Variants in ADAM18 observed in about 807,000 individuals in gnomAD.
The protein encoded by ADAM18 is disintegrin and metalloproteinase domain-containing protein 18.
In ADAM18, 117 loss-of-function variants were observed where a neutral mutation model predicts 94.4. The observed-to-expected ratio is 1.24, with a 90% CI of 1.07 to 1.45. The LOEUF (loss-of-function observed/expected upper bound fraction) is 1.45. Among genes scored for constraint, ADAM18 ranks in the 40% most tolerant of loss-of-function variants. ADAM18 has a pLI of 0.00. For synonymous variants in ADAM18, 327 were observed against 291.6 expected, an observed-to-expected ratio of 1.12 and a Z score of -1.24; for missense variants, 936 against 880.0, an observed-to-expected ratio of 1.06 and a Z score of -0.81.
chr8:39,691,110 T>C (rs1821763576), intron 16 of ADAM18, among the ~76,000 whole-genome samples: 1 of 152,210 alleles, frequency 6.6e-6, no homozygotes. Flanking sequence ...CCAGATGATA[T>C]ATATGCATCT....
chr8:39,587,643 C>T (rs1342896023), intron 2 of ADAM18, among the ~76,000 whole-genome samples: 1 of 151,874 alleles, frequency 6.6e-6, no homozygotes, highest in Non-Finnish European at 1.5e-5. Context: ...ATGGAGTTTC[C>T]CCATGTTGGC....
chr8:39,643,756 C>T (rs555122778), intron 10 of ADAM18, among the ~76,000 whole-genome samples: 27 of 151,808 alleles, frequency 1.8e-4, no homozygotes, highest in Middle Eastern at 3.4e-3. Context: ...ACATGAAGTT[C>T]TTTCTGTGTC....
chr8:39,617,531 T>C (rs1819478928), intron 6 of ADAM18, among the ~76,000 whole-genome samples: 1 of 152,106 alleles, frequency 6.6e-6, no homozygotes, highest in Admixed American at 6.5e-5. Flanking sequence ...TAAAAACACA[T>C]GCACACATAT....
intron 18 of ADAM18, among the ~76,000 whole-genome samples, chr8:39,718,380 T>C (rs1822639809): frequency 6.6e-6 from 1 of 151,620 alleles, no homozygotes; most frequent in South Asian, 2.1e-4. Flanking sequence ...TACTCAGCCT[T>C]TAAAATGAAA....
chr8:39,598,546 T>C (rs180733286), intron 2 of ADAM18, among the ~76,000 whole-genome samples: 6 of 152,092 alleles, frequency 3.9e-5, no homozygotes, highest in Admixed American at 2.0e-4. Flanking sequence ...GGCAGGTGGA[T>C]CATCTGAGGC....
At chr8:39,613,300 G>T (rs1819335850) in intron 6 of ADAM18, among the ~76,000 whole-genome samples, 1 of 152,178 alleles carries the variant, frequency 6.6e-6, no homozygotes, top group African/African-American at 2.4e-5. Flanking sequence ...ACCTTGATGG[G>T]CCAAAGAACA....
intron 3 of ADAM18, among the ~76,000 whole-genome samples, chr8:39,608,480 T>A (rs757400271): frequency 6.6e-6 from 1 of 151,994 alleles, no homozygotes; most frequent in Non-Finnish European, 1.5e-5. Flanking sequence ...TCCTTGTTTG[T>A]ACAAAGCATA....
intron 19 of ADAM18, among the ~76,000 whole-genome samples, chr8:39,726,043 A>G (rs1822896346): frequency 6.6e-6 from 1 of 152,020 alleles, no homozygotes. Context: ...AATAACAACT[A>G]TGTTAACCTA....
At chr8:39,680,868 G>T (rs1271536549) in intron 16 of ADAM18, among the ~76,000 whole-genome samples, 1 of 152,134 alleles carries the variant, frequency 6.6e-6, no homozygotes, top group Non-Finnish European at 1.5e-5. Context: ...ATGTCATTTG[G>T]TGCTTATTTG....
intron 7 of ADAM18, among the ~76,000 whole-genome samples, chr8:39,630,560 T>C (rs994070619): frequency 4.6e-5 from 7 of 151,908 alleles, no homozygotes; most frequent in African/African-American, 1.7e-4. Flanking sequence ...TTATACATTC[T>C]ATAGCATCTA....
At chr8:39,691,982 G>A (rs1184991706) in intron 16 of ADAM18, among the ~76,000 whole-genome samples, 1 of 151,554 alleles carries the variant, frequency 6.6e-6, no homozygotes, top group African/African-American at 2.4e-5. Context: ...AGATTTTATG[G>A]TGACACTTTG....
At chr8:39,636,345 A>G (rs949122923) in intron 7 of ADAM18, among the ~76,000 whole-genome samples, 2 of 152,194 alleles carry the variant, frequency 1.3e-5, no homozygotes, top group Admixed American at 6.5e-5. Flanking sequence ...GTTTAAAATT[A>G]CAGAATCCAC....
chr8:39,631,994 A>G (rs1440854176), intron 7 of ADAM18, among the ~76,000 whole-genome samples: 3 of 151,932 alleles, frequency 2.0e-5, no homozygotes, highest in Non-Finnish European at 4.4e-5. Flanking sequence ...TTGACACACA[A>G]TTTATCTTAT....
intron 10 of ADAM18, among the ~76,000 whole-genome samples, chr8:39,644,422 G>A (rs1301550857): frequency 6.6e-6 from 1 of 151,982 alleles, no homozygotes; most frequent in Non-Finnish European, 1.5e-5. Flanking sequence ...CAAATAGCTG[G>A]GACTGCAAGT....
Position 39,585,065 on chromosome 8 carries a change from A to AT in ADAM18, c.56-202dup, listed in dbSNP as rs200163434. ...GGGGCCTGTAGAACTGCAATGTCTA[A>AT]TTTTTTTTTCTTTTTTTGTGTCTTA... On this transcript the variant is annotated intron_variant, in intron 1 of 19. Transcript: ENST00000265707. Among the ~76,000 whole-genome samples the AT allele has an allele frequency of 8.6e-3, 1,301 of 151,260 alleles. 18 individuals are homozygous for AT. The highest frequency in any genetic ancestry group is 0.028 in the African/African-American group (1,153 of 41,190).
At chr8:39,628,472 TATATG>T (rs1819837573) in intron 6 of ADAM18, among the ~76,000 whole-genome samples, 1 of 151,420 alleles carries the variant, frequency 6.6e-6, no homozygotes, top group Non-Finnish European at 1.5e-5. Context: ...CAACAATAGA[TATATG>T]AGATGAGGCA....
At chr8:39,663,668 A>G in intron 12 of ADAM18, 127 bp from the exon 13 acceptor site, 1 of 548,136 alleles carries the variant, frequency 1.8e-6, no homozygotes, top group East Asian at 3.7e-5. Context: ...GCTTCATTGG[A>G]ATTATACAAT....
chr8:39,663,978 A>G (rs1486134342), intron 13 of ADAM18, 88 bp downstream of exon 13: 1 of 837,520 alleles, frequency 1.2e-6, no homozygotes, highest in Non-Finnish European at 1.9e-6. Flanking sequence ...AATAAAAAGA[A>G]TATATAAGGA....
intron 1 of ADAM18, 110 bp downstream of exon 1, chr8:39,584,787 T>C: frequency 7.7e-7 from 1 of 1,295,644 alleles, no homozygotes; most frequent in Non-Finnish European, 1.1e-6. Context: ...CCTTCTGGGA[T>C]CCCATGCTGG....
Sources: gnomAD v4.1 joint callset for allele counts (sites outside exome capture counted in the v4.1 genomes callset) on GRCh38, gnomAD v4.1.1 for gene constraint, MANE v1.5 for transcripts, NCBI Gene and HGNC (gene_info 2026-07-23, HGNC 2026-07-21) for gene names.